IMPG2: variants seen among roughly 807,000 people sequenced by gnomAD.
IMPG2 encodes IPM 200.
Under a neutral mutation model 129.2 loss-of-function variants are expected in IMPG2, and 91 were observed. The ratio of observed to expected loss-of-function variants is 0.70; its 90% CI spans 0.59 to 0.84. The LOEUF (loss-of-function observed/expected upper bound fraction) is 0.84, where lower values mean the gene tolerates loss of function less well. IMPG2 is among the 40% of genes least tolerant of loss of function. The pLI is 0.00. For synonymous variants in IMPG2, 510 were observed against 517.7 expected, an observed-to-expected ratio of 0.99 and a Z score of 0.20; for missense variants, 1,430 against 1,461.7, an observed-to-expected ratio of 0.98 and a Z score of 0.35.
At position 101,229,364 on chromosome 3, in the gene IMPG2, A is replaced by G; in HGVS notation, c.3633+16T>C. ...AGCAGTAGCTGCGACAGCAACATAAATGCAAAGTTTCCCACCTCTCTGGAA... is the reference window on the plus strand; with the variant it reads ...AGCAGTAGCTGCGACAGCAACATAAGTGCAAAGTTTCCCACCTCTCTGGAA... On this transcript the variant is annotated intron_variant, in intron 17 of 18. Coordinates refer to ENST00000193391, the MANE Select transcript of IMPG2 (RefSeq NM_016247.4). 1 of 1,608,422 alleles carries G rather than the reference A, an allele frequency of 6.2e-7. No individual in the cohort carries two copies. The highest frequency in any genetic ancestry group is 8.5e-7 in the Non-Finnish European group (1 of 1,177,520).
chr3:101,269,929 T>C (rs1360661149), intron 7 of IMPG2, among the ~76,000 whole-genome samples: 2 of 138,208 alleles, frequency 1.4e-5, no homozygotes, highest in Non-Finnish European at 3.1e-5. Context: ...TTTTATTCTT[T>C]TTTTTTTTTT....
At chr3:101,301,690 C>G (rs1707140862) in intron 3 of IMPG2, among the ~76,000 whole-genome samples, 2 of 152,166 alleles carry the variant, frequency 1.3e-5, no homozygotes, top group Admixed American at 1.3e-4. Context: ...TGTCTCGACC[C>G]ATCAGTGTCC....
At chr3:101,299,411 C>T (rs1388801612) in intron 3 of IMPG2, among the ~76,000 whole-genome samples, 2 of 152,226 alleles carry the variant, frequency 1.3e-5, no homozygotes, top group African/African-American at 2.4e-5. Flanking sequence ...CCATCTTATC[C>T]TCCATCCAGT....
At chr3:101,294,706 C>T (rs548815991) in intron 3 of IMPG2, among the ~76,000 whole-genome samples, 74 of 152,332 alleles carry the variant, frequency 4.9e-4, no homozygotes, top group African/African-American at 1.7e-3. Context: ...TTCATTCCCA[C>T]CAGCAGTGTA....
chr3:101,297,827 T>C (rs1373426328), intron 3 of IMPG2, among the ~76,000 whole-genome samples: 1 of 152,222 alleles, frequency 6.6e-6, no homozygotes, highest in Non-Finnish European at 1.5e-5. Context: ...AGTTACGTGA[T>C]CAATTTTAGA....
At position 101,225,869 on chromosome 3, in the gene IMPG2, C is replaced by G. The variant is rs1309069514; in HGVS notation, c.*1100G>C. The G allele has an allele frequency of 1.3e-5, 2 of 152,244 alleles. No individual in the cohort carries two copies. Among genetic ancestry groups the G allele is most frequent in the East Asian group, 3.9e-4 (2 of 5,186 alleles). 9.4% of individuals were successfully genotyped at this position (152,244 alleles called of 1,614,324 possible). ...TGTCAAAATTTATATAAGGTATGGACTTCCTATCTGTTCAGTTTTTAAAAT... is the reference window on the plus strand; with the variant it reads ...TGTCAAAATTTATATAAGGTATGGAGTTCCTATCTGTTCAGTTTTTAAAAT... On this transcript the variant is annotated 3_prime_UTR_variant, in exon 19 of 19. Transcript: ENST00000193391.
chr3:101,259,423 A>G (rs1706645722), intron 9 of IMPG2, among the ~76,000 whole-genome samples: 1 of 152,026 alleles, frequency 6.6e-6, no homozygotes, highest in Non-Finnish European at 1.5e-5. Context: ...CTGAACTTAT[A>G]TATTCTTATC....
At position 101,243,562 on chromosome 3, in the gene IMPG2, C is replaced by T. The variant is rs1361189699; in HGVS notation, c.2769G>A (p.Glu923=). 4.3e-6 allele frequency: 7 copies of T among 1,613,822 alleles called. No individual in the cohort carries two copies. In the Admixed American group the frequency reaches 8.3e-5, roughly 19 times the overall value. The change falls in exon 13 of 19, where the codon GAG becomes GAA. Residue 923 remains glutamate, a synonymous_variant. Transcript: ENST00000193391. Reference sequence around the variant, plus strand: ...AGAATCTTTGCTCCAGGGCTTTATACTCCAAGGAGTTTTTATTAAACAGAT... The same window carrying T: ...AGAATCTTTGCTCCAGGGCTTTATATTCCAAGGAGTTTTTATTAAACAGAT... The part of the protein sequence containing the change: ...SEDLFNKNSL[E]YKALEQRFLE...
At chr3:101,317,657 C>T (rs912559337) in intron 2 of IMPG2, among the ~76,000 whole-genome samples, 10 of 152,128 alleles carry the variant, frequency 6.6e-5, no homozygotes, top group African/African-American at 2.2e-4. Context: ...GCTATCTCAG[C>T]TATAATCTTG....
At chr3:101,247,254 A>G (rs1428638235) in intron 11 of IMPG2, among the ~76,000 whole-genome samples, 1 of 152,234 alleles carries the variant, frequency 6.6e-6, no homozygotes, top group African/African-American at 2.4e-5. Flanking sequence ...TCCTGGGTGT[A>G]TGAAAACTGA....
intron 4 of IMPG2, among the ~76,000 whole-genome samples, chr3:101,288,831 A>G (rs1382759344): frequency 6.6e-6 from 1 of 152,162 alleles, no homozygotes; most frequent in East Asian, 1.9e-4. Context: ...TTTTTAAGTC[A>G]TCCTTTCGAA....
At chr3:101,248,948 G>A (rs1305358920) in intron 11 of IMPG2, among the ~76,000 whole-genome samples, 1 of 152,112 alleles carries the variant, frequency 6.6e-6, no homozygotes, top group Non-Finnish European at 1.5e-5. Flanking sequence ...TTCTGTTTGA[G>A]TTTGGCCAAT....
chr3:101,229,317 C>G, intron 17 of IMPG2, 63 bp downstream of exon 17: 1 of 1,119,438 alleles, frequency 8.9e-7, no homozygotes, highest in Non-Finnish European at 1.3e-6. Context: ...CCCACCACCC[C>G]CTGCTCCCCC....
Position 101,253,732 on chromosome 3 carries a change from T to G in IMPG2, c.1203A>C (p.Gln401His), listed in dbSNP as rs768426133. ...HQTEDLVWNT[Q>H]SSSLQATPSS... ...ACGGCGTTGCCTGAAGACTTGAACTTTGGGTGTTCCAAACTAGATCTTCAG... is the reference window on the plus strand; with the variant it reads ...ACGGCGTTGCCTGAAGACTTGAACTGTGGGTGTTCCAAACTAGATCTTCAG... The change falls in exon 11 of 19, where the codon CAA becomes CAC. Residue 401 changes from glutamine to histidine, a missense_variant. Transcript: ENST00000193391. 1 of 1,612,066 alleles carries G rather than the reference T, an allele frequency of 6.2e-7. No individual in the cohort carries two copies. Among genetic ancestry groups the G allele is most frequent in the Non-Finnish European group, 8.5e-7 (1 of 1,178,994 alleles).
At position 101,242,708 on chromosome 3, in the gene IMPG2, T is replaced by C. The variant is rs573963791; in HGVS notation, c.3002A>G (p.Tyr1001Cys). 1.9e-6 allele frequency: 3 copies of C among 1,612,178 alleles called. No homozygotes were observed. In the African/African-American group the frequency reaches 4.0e-5, roughly 22 times the overall value. The change falls in exon 14 of 19, where the codon TAC becomes TGC. Residue 1001 changes from tyrosine to cysteine, a missense_variant. Tyr to Cys is a radical substitution (Grantham distance 194). Transcript: ENST00000193391. ...CATACCTGATTCCACATCAAGAGAG[T>C]ATTTATCAATAGCCAAGTTCATGGT... Reference protein sequence around the residue: ...YNTMNLAIDKYSLDVESGDEA... With the variant: ...YNTMNLAIDKCSLDVESGDEA...
intron 3 of IMPG2, among the ~76,000 whole-genome samples, chr3:101,297,130 G>A (rs889653975): frequency 2.0e-5 from 3 of 152,186 alleles, no homozygotes; most frequent in South Asian, 4.1e-4. Flanking sequence ...GGATGGTCTC[G>A]ATCTCCTGAC....
chr3:101,229,703 A>C, intron 16 of IMPG2, 113 bp from the exon 17 acceptor site: 1 of 870,994 alleles, frequency 1.1e-6, no homozygotes, highest in Non-Finnish European at 1.9e-6. Flanking sequence ...CTTTACACAA[A>C]TGGTGGGACA....
intron 3 of IMPG2, among the ~76,000 whole-genome samples, chr3:101,299,033 T>C (rs1258535947): frequency 6.6e-6 from 1 of 152,230 alleles, no homozygotes; most frequent in Non-Finnish European, 1.5e-5. Flanking sequence ...TTTCAGGTAC[T>C]CCACTCATCA....
At chr3:101,229,318 C>CAG in intron 17 of IMPG2, 62 bp downstream of exon 17, 2 of 1,136,280 alleles carry the variant, frequency 1.8e-6, no homozygotes, top group East Asian at 2.7e-5. Context: ...CCACCACCCC[C>CAG]TGCTCCCCCA....
Sources: allele counts gnomAD v4.1 joint callset (sites outside exome capture counted in the v4.1 genomes callset), GRCh38; gene constraint gnomAD v4.1.1; transcripts MANE v1.5; gene names NCBI Gene and HGNC (gene_info 2026-07-23, HGNC 2026-07-21).